CENPP: variants seen among roughly 807,000 people sequenced by gnomAD.
CENPP encodes the protein centromere protein P.
Under a neutral mutation model 35.6 loss-of-function variants are expected in CENPP, and 24 were observed. The observed-to-expected ratio is 0.67, with a 90% CI of 0.49 to 0.95. The LOEUF is 0.95. Ranked by LOEUF, CENPP falls within the 40% of genes least tolerant of loss-of-function variation. CENPP has a pLI of 0.00. For synonymous variants in CENPP, 120 were observed against 125.5 expected (o/e 0.96, Z 0.29); for missense variants, 332 against 345.3 (o/e 0.96, Z 0.31).
intron 5 of CENPP, among the ~76,000 whole-genome samples, chr9:92,417,965 G>T (rs927357734): frequency 6.6e-6 from 1 of 151,816 alleles, no homozygotes; most frequent in Non-Finnish European, 1.5e-5. Context: ...TGACCTCAAG[G>T]GATCCTCTGG....
intron 5 of CENPP, chr9:92,496,443 C>A (rs1306881696): frequency 6.2e-7 from 1 of 1,608,964 alleles, no homozygotes; most frequent in South Asian, 1.1e-5. Flanking sequence ...TTTGAGTCAT[C>A]ATCCTCTTCA....
At chr9:92,401,299 C>T (rs1843101655) in intron 5 of CENPP, 3 of 566,116 alleles carry the variant, frequency 5.3e-6, no homozygotes, top group South Asian at 2.5e-5. Context: ...TTCCTTTGTG[C>T]TCCATTAGGC....
chr9:92,369,756 A>G (rs908773930), intron 4 of CENPP, among the ~76,000 whole-genome samples: 1 of 152,204 alleles, frequency 6.6e-6, no homozygotes, highest in Non-Finnish European at 1.5e-5. Context: ...TTTTCTAGAT[A>G]TAAGATCATT....
intron 5 of CENPP, among the ~76,000 whole-genome samples, chr9:92,460,764 TCTC>T (rs1404102185): frequency 6.6e-6 from 1 of 152,024 alleles, no homozygotes; most frequent in East Asian, 1.9e-4. Context: ...GCAACCTCCA[TCTC>T]CTGGGTTCAA....
intron 5 of CENPP, chr9:92,470,608 A>C (rs959774099): frequency 3.0e-5 from 27 of 896,646 alleles, no homozygotes; most frequent in Non-Finnish European, 4.2e-5. Context: ...ATAATTAATC[A>C]TTATAGCAAA....
In CENPP at chr9:92,476,421, G is replaced by A. The variant is rs1397986431; in HGVS notation, c.564+96562G>A. Among the ~76,000 whole-genome samples the A allele has an allele frequency of 3.3e-5, 5 of 152,022 alleles. No individual in the cohort carries two copies. Among genetic ancestry groups the A allele is most frequent in the Non-Finnish European group, 7.4e-5 (5 of 67,980 alleles). On this transcript the variant is annotated intron_variant, in intron 5 of 7. Coordinates refer to ENST00000375587, the MANE Select transcript of CENPP (RefSeq NM_001012267.3). The surrounding 1 kb of genome is among the most constrained non-coding windows in gnomAD (Gnocchi z 4.1). ...ATGTCTTTTTTAATCACCAGACGAGGGCTAGAATGTCCTACTGTCATTAGT... is the reference window on the plus strand; with the variant it reads ...ATGTCTTTTTTAATCACCAGACGAGAGCTAGAATGTCCTACTGTCATTAGT...
At chr9:92,562,066 C>T (rs1416505762) in intron 5 of CENPP, among the ~76,000 whole-genome samples, 1 of 152,192 alleles carries the variant, frequency 6.6e-6, no homozygotes, top group African/African-American at 2.4e-5. Flanking sequence ...AACTAGATGG[C>T]TTCAATGCCT....
Position 92,429,129 on chromosome 9 carries a change from A to G in CENPP, c.564+49270A>G, listed in dbSNP as rs1261047679. ...TGTCTGTCAATAGTGGGTGCTCAAT[A>G]AATATTGTTTGAATGAATGAATGAA... On this transcript the variant is annotated intron_variant, in intron 5 of 7. Transcript: ENST00000375587. Among the ~76,000 whole-genome samples the G allele has an allele frequency of 3.3e-5, 5 of 152,184 alleles. No individual in the cohort carries two copies. In the South Asian group the frequency reaches 1.0e-3, roughly 32 times the overall value.
intron 5 of CENPP, among the ~76,000 whole-genome samples, chr9:92,584,006 G>A (rs536097795): frequency 6.6e-5 from 10 of 152,304 alleles, no homozygotes; most frequent in African/African-American, 2.4e-4. Flanking sequence ...CAAGCCCCAT[G>A]CAAGCATTGT....
chr9:92,494,909 AAATAAT>A (rs1014394868), intron 5 of CENPP, among the ~76,000 whole-genome samples: 3 of 152,132 alleles, frequency 2.0e-5, no homozygotes, highest in Admixed American at 1.3e-4. Flanking sequence ...CCGTCTAAAA[AAATAAT>A]AATAATAACA....
intron 5 of CENPP, among the ~76,000 whole-genome samples, chr9:92,479,731 C>G (rs922856173): frequency 6.6e-6 from 1 of 152,154 alleles, no homozygotes. Flanking sequence ...TAATCTTTTG[C>G]ATTTGTGTAT....
intron 5 of CENPP, among the ~76,000 whole-genome samples, chr9:92,497,779 G>A (rs1381408482): frequency 6.6e-6 from 1 of 151,552 alleles, no homozygotes; most frequent in African/African-American, 2.4e-5. Context: ...TTGGGTCATG[G>A]GGGGCAAGTC....
chr9:92,488,735 G>T (rs192510872), intron 5 of CENPP, among the ~76,000 whole-genome samples: 260 of 152,282 alleles, frequency 1.7e-3, no homozygotes, highest in African/African-American at 5.9e-3. Flanking sequence ...CTTATAAAAA[G>T]ATTTGCTTAT....
intron 5 of CENPP, chr9:92,470,620 A>G: frequency 9.9e-7 from 1 of 1,006,570 alleles, no homozygotes; most frequent in Non-Finnish European, 1.5e-6. Context: ...TATAGCAAAG[A>G]TACAGAGTTT....
At chr9:92,445,256 A>C (rs1844524118) in intron 5 of CENPP, among the ~76,000 whole-genome samples, 1 of 152,054 alleles carries the variant, frequency 6.6e-6, no homozygotes, top group Admixed American at 6.6e-5. Context: ...CCCCTTCTTC[A>C]AGCATCATTG....
Position 92,379,820 on chromosome 9 carries a change from G to A in CENPP, c.525G>A (p.Glu175=). 6.2e-7 allele frequency: 1 copy of A among 1,613,574 alleles called. No individual in the cohort carries two copies. Among genetic ancestry groups the A allele is most frequent in the East Asian group, 2.2e-5 (1 of 44,828 alleles). Reference sequence around the variant, plus strand: ...TCCGAAGCCTGCATTTTTTTGTGGAGTGGTTTGAATATCGTAAGCGCACGT... The same window carrying A: ...TCCGAAGCCTGCATTTTTTTGTGGAATGGTTTGAATATCGTAAGCGCACGT... ...MFFRSLHFFV[E]WFEYRKRTFK... Residue 175 remains glutamate, a synonymous_variant, in exon 5 of 8, where the codon GAG becomes GAA. Coordinates refer to ENST00000375587, the MANE Select transcript of CENPP (RefSeq NM_001012267.3).
intron 5 of CENPP, among the ~76,000 whole-genome samples, chr9:92,409,212 A>G (rs754600071): frequency 2.6e-5 from 4 of 152,208 alleles, no homozygotes; most frequent in Non-Finnish European, 4.4e-5. Context: ...AGTTATATCA[A>G]TTTAGGAAAT....
Position 92,563,805 on chromosome 9 carries a change from TCC to T in CENPP, c.565-47507_565-47506del, listed in dbSNP as rs1554687854. On this transcript the variant is annotated intron_variant, in intron 5 of 7. Coordinates refer to ENST00000375587, the MANE Select transcript of CENPP (RefSeq NM_001012267.3). The stretch of plus-strand genomic sequence containing the variant: ...CCCCTCTTCCTCCTCCTCCTCCTCC[TCC>T]CAAAGTGGGGTGGTGTGAACATGAT... 2.3e-4 allele frequency among the ~76,000 whole-genome samples: 21 copies of T among 90,206 alleles called. No individual in the cohort carries two copies. In the East Asian group the frequency reaches 8.6e-3, roughly 37 times the overall value. The allele number at this position is 90,206 out of a possible 152,430, so 59.2% of individuals were successfully genotyped here.
At chr9:92,337,874 G>T (rs1384375201) in intron 3 of CENPP, among the ~76,000 whole-genome samples, 5 of 152,240 alleles carry the variant, frequency 3.3e-5, no homozygotes, top group Non-Finnish European at 7.3e-5. Flanking sequence ...GTAGCAAGAT[G>T]CTCCTGGGCT....
Sources: gnomAD v4.1 joint callset for allele counts (sites outside exome capture counted in the v4.1 genomes callset) on GRCh38, gnomAD v4.1.1 for gene constraint, Gnocchi (gnomAD v3.1) non-coding constraint, MANE v1.5 for transcripts, NCBI Gene and HGNC (gene_info 2026-07-23, HGNC 2026-07-21) for gene names.